GCC2: variants seen among roughly 807,000 people sequenced by gnomAD.
GCC2 encodes the protein GRIP and coiled-coil domain-containing protein 2.
A neutral mutation model predicts 210.6 loss-of-function variants in GCC2; 120 were observed. The observed-to-expected ratio is 0.57, with a 90% CI of 0.49 to 0.66. The LOEUF (loss-of-function observed/expected upper bound fraction) is 0.66. GCC2 is among the 30% of genes least tolerant of loss of function. The pLI is 0.00. For synonymous variants in GCC2, 703 were observed against 652.7 expected, an observed-to-expected ratio of 1.08 and a Z score of -1.17; for missense variants, 1,868 against 1,871.9, an observed-to-expected ratio of 1.00 and a Z score of 0.04.
chr2:108,469,395 CATTTCTTGCCT>C (rs1483370547), intron 5 of GCC2: 20 of 434,288 alleles, frequency 4.6e-5, no homozygotes, highest in African/African-American at 2.2e-4. Flanking sequence ...TATTCAGAGG[CATTTCTTGCCT>C]ATTTCTTGCC....
intron 2 of GCC2, 60 bp downstream of exon 2, chr2:108,449,749 A>G (rs1339448324): frequency 3.1e-5 from 43 of 1,385,324 alleles, no homozygotes; most frequent in Non-Finnish European, 4.3e-5. Context: ...GAATTGGAAA[A>G]CTTTGGCATG....
intron 22 of GCC2, among the ~76,000 whole-genome samples, chr2:108,501,914 G>T (rs916511027): frequency 2.0e-5 from 3 of 152,100 alleles, no homozygotes; most frequent in African/African-American, 7.2e-5. Context: ...AATACTGACA[G>T]TAATCTCAGT....
chr2:108,489,791 A>T, intron 17 of GCC2, 47 bp from the exon 18 acceptor site: 1 of 1,354,264 alleles, frequency 7.4e-7, no homozygotes, highest in Non-Finnish European at 1.0e-6. Flanking sequence ...CACAAAATCA[A>T]ATTCACCTTT....
chr2:108,504,387 C>CAA (rs1683083845), intron 22 of GCC2, among the ~76,000 whole-genome samples: 1 of 152,098 alleles, frequency 6.6e-6, no homozygotes, highest in African/African-American at 2.4e-5. Flanking sequence ...AAAGCAACAT[C>CAA]AAAGTCCTTA....
At chr2:108,469,302 A>C (rs991958766) in intron 5 of GCC2, 7 of 435,576 alleles carry the variant, frequency 1.6e-5, no homozygotes, top group Non-Finnish European at 2.4e-5. Context: ...TTTTATAGCT[A>C]TAATGCCATC....
intron 4 of GCC2, among the ~76,000 whole-genome samples, chr2:108,462,980 T>A (rs1406039958): frequency 6.6e-6 from 1 of 152,168 alleles, no homozygotes; most frequent in Non-Finnish European, 1.5e-5. Flanking sequence ...AGTCCATTGT[T>A]GAAGCTTTTG....
chr2:108,497,144 C>T, intron 21 of GCC2, 35 bp downstream of exon 21: 1 of 1,611,820 alleles, frequency 6.2e-7, no homozygotes, highest in Non-Finnish European at 8.5e-7. Flanking sequence ...GTGAAAACCG[C>T]CAGTTTGGTT....
rs534974520 is a variant in GCC2, at chr2:108,481,945, C to T, written c.3180+129C>T. 1.6e-5 allele frequency: 10 copies of T among 637,122 alleles called. No homozygotes were observed. In the African/African-American group the frequency reaches 1.9e-4, roughly 12 times the overall value. The allele number at this position is 637,122 out of a possible 1,614,324, so 39.5% of individuals were successfully genotyped here. On this transcript the variant is annotated intron_variant, in intron 10 of 22. Coordinates refer to ENST00000309863, the MANE Select transcript of GCC2 (RefSeq NM_181453.4). ...ATTCCCCCCCCACTTTACCCTCCTT[C>T]CCACTTAGGAGAGAAGAATAAGACA...
In GCC2 at chr2:108,497,091, T is replaced by C. The variant is rs751656837; in HGVS notation, c.4764T>C (p.Ile1588=). The change falls in exon 21 of 23, where the codon ATT becomes ATC. Residue 1588 remains isoleucine (I), a synonymous_variant. Coordinates refer to ENST00000309863, the MANE Select transcript of GCC2 (RefSeq NM_181453.4). ...GGGAAACAGAAGCAACCAATGCAAT[T>C]CTTATGGAGCAAATTAAGGTGAGAT... is the stretch of plus-strand genomic sequence containing the variant. The part of the protein sequence containing the change: ...LLRETEATNA[I]LMEQIKLLKS... 57 of 1,611,790 alleles carry C rather than the reference T, an allele frequency of 3.5e-5. 2 individuals are homozygous for C. In the South Asian group the frequency reaches 4.1e-4, roughly 11 times the overall value.
chr2:108,505,282 G>T (rs561192382), intron 22 of GCC2, among the ~76,000 whole-genome samples: 1 of 152,182 alleles, frequency 6.6e-6, no homozygotes, highest in Admixed American at 6.5e-5. Flanking sequence ...TGGGAACAAG[G>T]TTACCTCACT....
At position 108,493,335 on chromosome 2, in the gene GCC2, G is replaced by A. The variant is rs1367159930; in HGVS notation, c.4447+545G>A. ...GATCTCCTGACCTCGTGATCCACCCGCCTCGGCCTCCCAAAATGCTGGGAT... is the reference window on the plus strand; with the variant it reads ...GATCTCCTGACCTCGTGATCCACCCACCTCGGCCTCCCAAAATGCTGGGAT... On this transcript the variant is annotated intron_variant, in intron 19 of 22. Transcript: ENST00000309863. 61 of 786,306 alleles carry A rather than the reference G, an allele frequency of 7.8e-5. 1 individual carries two copies. The highest frequency in any genetic ancestry group is 9.1e-5 in the Non-Finnish European group (59 of 646,084). 48.7% of individuals were successfully genotyped at this position (786,306 alleles called of 1,614,324 possible).
chr2:108,450,891 A>T, intron 2 of GCC2, 137 bp from the exon 3 acceptor site: 1 of 630,288 alleles, frequency 1.6e-6, no homozygotes, highest in African/African-American at 1.9e-5. Flanking sequence ...CAAAAAAAAA[A>T]TGTGGAACAA....
At chr2:108,505,038 G>A (rs1367754806) in intron 22 of GCC2, among the ~76,000 whole-genome samples, 3 of 152,214 alleles carry the variant, frequency 2.0e-5, no homozygotes, top group Non-Finnish European at 2.9e-5. Flanking sequence ...CAAGGCAAGA[G>A]CAAATGCATC....
chr2:108,463,469 C>G (rs959544105), intron 4 of GCC2, among the ~76,000 whole-genome samples: 3 of 152,170 alleles, frequency 2.0e-5, no homozygotes. Context: ...TGGCTGTAAA[C>G]AGCATCAGTG....
At chr2:108,459,276 G>A (rs2245229) in intron 4 of GCC2, among the ~76,000 whole-genome samples, 28,844 of 151,934 alleles carry the variant, frequency 0.19, 3,093 homozygotes, top group African/African-American at 0.27. Flanking sequence ...TAATTTTCAT[G>A]TATTTCTGTC....
intron 21 of GCC2, 44 bp downstream of exon 21, chr2:108,497,153 T>C (rs1682685584): frequency 6.2e-7 from 1 of 1,611,596 alleles, no homozygotes; most frequent in Non-Finnish European, 8.5e-7. Context: ...GCCAGTTTGG[T>C]TTTCTTGACC....
intron 4 of GCC2, among the ~76,000 whole-genome samples, chr2:108,458,225 T>A (rs912356432): frequency 1.3e-5 from 2 of 150,394 alleles, no homozygotes; most frequent in African/African-American, 4.8e-5. Flanking sequence ...TCACATTGAT[T>A]TGCATATATT....
chr2:108,457,181 G>A (rs987719129), intron 4 of GCC2, among the ~76,000 whole-genome samples: 1 of 152,014 alleles, frequency 6.6e-6, no homozygotes, highest in African/African-American at 2.4e-5. Context: ...TGAGAGATAG[G>A]GACTCACTTT....
intron 9 of GCC2, among the ~76,000 whole-genome samples, chr2:108,480,163 T>C (rs1681775213): frequency 6.6e-6 from 1 of 152,144 alleles, no homozygotes; most frequent in Non-Finnish European, 1.5e-5. Flanking sequence ...ATATAAACTT[T>C]GCAAGAAAAC....
Sources: allele counts gnomAD v4.1 joint callset (sites outside exome capture counted in the v4.1 genomes callset), GRCh38; gene constraint gnomAD v4.1.1; transcripts MANE v1.5; gene names NCBI Gene and HGNC (gene_info 2026-07-23, HGNC 2026-07-21).